The following SNTG2 variants were observed in gnomAD, a reference collection of about 807,000 sequenced individuals.
SNTG2 encodes the protein gamma-2-syntrophin.
In SNTG2, 74 loss-of-function variants were observed where a neutral mutation model predicts 70.9. The ratio of observed to expected loss-of-function variants is 1.04; its 90% confidence interval spans 0.86 to 1.27. SNTG2 has a LOEUF of 1.27. Among genes scored for constraint, SNTG2 ranks in the 50% most tolerant of loss-of-function variants. The pLI, the probability that SNTG2 is intolerant of heterozygous loss-of-function variation, is 0.00. For missense variants in SNTG2, 717 were observed against 690.7 expected, an observed-to-expected ratio of 1.04 and a Z score of -0.43; for synonymous variants, 278 against 273.8, an observed-to-expected ratio of 1.02 and a Z score of -0.15.
intron 16 of SNTG2, among the ~76,000 whole-genome samples, chr2:1,337,514 C>A (rs1262876477): frequency 6.6e-6 from 1 of 151,972 alleles, no homozygotes; most frequent in Non-Finnish European, 1.5e-5. Context: ...AGATTTTTTG[C>A]CCATTTTCTT....
chr2:973,104 G>C (rs140580312), intron 1 of SNTG2, among the ~76,000 whole-genome samples: 7 of 152,266 alleles, frequency 4.6e-5, no homozygotes, highest in African/African-American at 1.7e-4. Context: ...TCAATGATCA[G>C]TAATTCTTAT....
intron 4 of SNTG2, among the ~76,000 whole-genome samples, chr2:1,100,651 A>G (rs538553121): frequency 6.6e-6 from 1 of 152,014 alleles, no homozygotes; most frequent in East Asian, 1.9e-4. Context: ...TTCTTGTTGC[A>G]CCCCTGAAGC....
intron 1 of SNTG2, among the ~76,000 whole-genome samples, chr2:1,072,541 C>G (rs1663647778): frequency 6.6e-6 from 1 of 151,948 alleles, no homozygotes; most frequent in Non-Finnish European, 1.5e-5. Flanking sequence ...AGATATCTTT[C>G]AAAATATTAC....
chr2:1,231,964 C>T lies in SNTG2; in HGVS notation c.720-5924C>T, dbSNP rs115716615. ...ATGGCTCCACGGCAAGATGCATGGA[C>T]GTGCACAGCATTCCTGAAGGCTGCT... On this transcript the variant is annotated intron_variant, in intron 9 of 16. Coordinates refer to ENST00000308624, the MANE Select transcript of SNTG2 (RefSeq NM_018968.4). 2.5e-3 allele frequency among the ~76,000 whole-genome samples: 385 copies of T among 152,294 alleles called. 4 individuals are homozygous for T. The highest frequency in any genetic ancestry group is 0.01 in the Middle Eastern group (3 of 294).
At chr2:981,423 C>T (rs1273662640) in intron 1 of SNTG2, among the ~76,000 whole-genome samples, 1 of 150,492 alleles carries the variant, frequency 6.6e-6, no homozygotes, top group Non-Finnish European at 1.5e-5. Flanking sequence ...CTTCCACAAG[C>T]ACATGTGCAC....
At chr2:1,320,992 C>G (rs1235491072) in intron 16 of SNTG2, among the ~76,000 whole-genome samples, 1 of 152,140 alleles carries the variant, frequency 6.6e-6, no homozygotes, top group African/African-American at 2.4e-5. Context: ...GCATGAGGGT[C>G]AGCACATATG....
rs543418613 is a variant in SNTG2, at chr2:1,219,223, C to T, written c.719+9993C>T. ...TGTCAAGTGCTGGCTCCCCCTTTGCCTTCCGCCATGATTGTAAGTTTCCTG... is the reference window on the plus strand; with the variant it reads ...TGTCAAGTGCTGGCTCCCCCTTTGCTTTCCGCCATGATTGTAAGTTTCCTG... On this transcript the variant is annotated intron_variant, in intron 9 of 16. Coordinates refer to ENST00000308624, the MANE Select transcript of SNTG2 (RefSeq NM_018968.4). Among the ~76,000 whole-genome samples, 362 of 152,330 alleles carry T rather than the reference C, an allele frequency of 2.4e-3. 2 individuals carry two copies. The highest frequency in any genetic ancestry group is 3.4e-3 in the Non-Finnish European group (230 of 68,032).
intron 2 of SNTG2, among the ~76,000 whole-genome samples, chr2:1,085,918 C>A (rs1442878429): frequency 6.6e-6 from 1 of 152,160 alleles, no homozygotes; most frequent in Non-Finnish European, 1.5e-5. Context: ...GGGTGGGATG[C>A]TGTATATTAC....
At chr2:1,130,233 C>T (rs1461137146) in intron 4 of SNTG2, among the ~76,000 whole-genome samples, 1 of 152,154 alleles carries the variant, frequency 6.6e-6, no homozygotes, top group African/African-American at 2.4e-5. Flanking sequence ...TCATAGATGA[C>T]ATTCTTTGGA....
chr2:1,098,025 T>C (rs1424286198), intron 2 of SNTG2, among the ~76,000 whole-genome samples, 171 bp from the exon 3 acceptor site: 2 of 152,282 alleles, frequency 1.3e-5, no homozygotes, highest in East Asian at 1.9e-4. Context: ...ATACGTGCAA[T>C]ACCACGGAGT....
chr2:1,350,694 T>C (rs1660530647), intron 16 of SNTG2, among the ~76,000 whole-genome samples: 1 of 152,168 alleles, frequency 6.6e-6, no homozygotes, highest in Admixed American at 6.5e-5. Context: ...AAGAAGTCTA[T>C]TTTATTAAAT....
intron 4 of SNTG2, among the ~76,000 whole-genome samples, chr2:1,127,255 A>G (rs2148303097): frequency 6.6e-6 from 1 of 152,272 alleles, no homozygotes; most frequent in South Asian, 2.1e-4. Context: ...CTTTGTAAAA[A>G]AAAAAATCAG....
intron 15 of SNTG2, among the ~76,000 whole-genome samples, chr2:1,312,928 A>T (rs1681077838): frequency 6.6e-6 from 1 of 152,208 alleles, no homozygotes; most frequent in Non-Finnish European, 1.5e-5. Flanking sequence ...GATGAGGAAG[A>T]GAAGCAAATG....
At chr2:992,947 A>G (rs968254241) in intron 1 of SNTG2, among the ~76,000 whole-genome samples, 2 of 152,054 alleles carry the variant, frequency 1.3e-5, no homozygotes, top group African/African-American at 2.4e-5. Flanking sequence ...CCATTAAGCA[A>G]TCAGTCCTGA....
chr2:951,538 T>C (rs62105718), intron 1 of SNTG2, among the ~76,000 whole-genome samples: 14,799 of 152,292 alleles, frequency 0.097, 970 homozygotes, highest in Admixed American at 0.21. Context: ...TGGCGCGGCC[T>C]CGGCAGGTGC....
chr2:1,159,525 T>C (rs1050977461), intron 6 of SNTG2: 5 of 152,030 alleles, frequency 3.3e-5, no homozygotes, highest in Admixed American at 3.3e-4. Context: ...AAATACACAA[T>C]AGTAACGTGA....
intron 14 of SNTG2, among the ~76,000 whole-genome samples, chr2:1,304,436 ATCTTG>A (rs1042919450): frequency 6.6e-6 from 1 of 152,156 alleles, no homozygotes. Flanking sequence ...CAGAAAAGAA[ATCTTG>A]TCTTGGCCGG....
At chr2:974,180 T>C (rs6710556) in intron 1 of SNTG2, among the ~76,000 whole-genome samples, 57,658 of 151,940 alleles carry the variant, frequency 0.38, 11,227 homozygotes, top group Admixed American at 0.46. Context: ...ATCTTCGTTG[T>C]TGTCATCCCC....
At chr2:1,347,374 C>T (rs974932876) in intron 16 of SNTG2, among the ~76,000 whole-genome samples, 1 of 152,176 alleles carries the variant, frequency 6.6e-6, no homozygotes, top group African/African-American at 2.4e-5. Context: ...CCATGAAAAC[C>T]AAGGAGCCCT....
Sources: gnomAD v4.1 joint callset for allele counts (sites outside exome capture counted in the v4.1 genomes callset) on GRCh38, gnomAD v4.1.1 for gene constraint, MANE v1.5 for transcripts, NCBI Gene and HGNC (gene_info 2026-07-23, HGNC 2026-07-21) for gene names.